PCDH15: variants seen among roughly 807,000 people sequenced by gnomAD.
PCDH15 encodes the protein protocadherin related 15.
A neutral mutation model predicts 178.5 loss-of-function variants in PCDH15; 129 were observed. That is an observed-to-expected ratio of 0.72 (90% confidence interval 0.63 to 0.84). PCDH15 has a LOEUF of 0.84. PCDH15 is among the 40% of genes least tolerant of loss of function. The pLI is 0.00. For synonymous variants in PCDH15, 800 were observed against 732.0 expected, an observed-to-expected ratio of 1.09 and a Z score of -1.50; for missense variants, 2,230 against 2,099.9, an observed-to-expected ratio of 1.06 and a Z score of -1.21.
chr10:54,561,822 C>T (rs1407356495), intron 2 of PCDH15, among the ~76,000 whole-genome samples: 2 of 151,366 alleles, frequency 1.3e-5, no homozygotes, highest in Non-Finnish European at 2.9e-5. Flanking sequence ...AAAATGAAAA[C>T]TATCAATGGT....
chr10:54,638,956 C>T (rs1018941393), intron 2 of PCDH15, among the ~76,000 whole-genome samples: 4 of 152,058 alleles, frequency 2.6e-5, no homozygotes, highest in Admixed American at 6.6e-5. Flanking sequence ...CTAAATACTT[C>T]AAGTTCTCAC....
At chr10:53,809,399 TA>T (rs1310461259) in intron 37 of PCDH15, 1 of 1,614,022 alleles carries the variant, frequency 6.2e-7, no homozygotes, top group Non-Finnish European at 8.5e-7. Context: ...CTAACTTTCT[TA>T]AAAATCATGG....
intron 17 of PCDH15, among the ~76,000 whole-genome samples, chr10:54,074,231 A>G (rs1323092554): frequency 6.6e-6 from 1 of 152,186 alleles, no homozygotes. Flanking sequence ...TAAATGTAAA[A>G]TGTTGTGGTA....
At chr10:55,569,578 A>T (rs989557662) in intron 2 of PCDH15, among the ~76,000 whole-genome samples, 35 of 129,436 alleles carry the variant, frequency 2.7e-4, no homozygotes, top group African/African-American at 1.0e-3. Flanking sequence ...AGAATTTTCT[A>T]AAAAAAAAAA....
chr10:55,379,611 A>G (rs1342306272), intron 2 of PCDH15, among the ~76,000 whole-genome samples: 1 of 152,012 alleles, frequency 6.6e-6, no homozygotes, highest in Non-Finnish European at 1.5e-5. Flanking sequence ...CTACAGCTAA[A>G]TACTTATTTA....
chr10:54,996,507 C>G (rs1025904869), intron 2 of PCDH15, among the ~76,000 whole-genome samples: 4 of 152,092 alleles, frequency 2.6e-5, no homozygotes, highest in African/African-American at 9.7e-5. Flanking sequence ...GATGTAGTCA[C>G]GGGAGGTCAG....
chr10:54,125,667 A>G (rs761093800), intron 15 of PCDH15, among the ~76,000 whole-genome samples: 1 of 152,116 alleles, frequency 6.6e-6, no homozygotes, highest in African/African-American at 2.4e-5. Context: ...CTGCAACAGG[A>G]TTCTCTTTGA....
intron 2 of PCDH15, among the ~76,000 whole-genome samples, chr10:54,549,934 T>C (rs1448082620): frequency 6.6e-6 from 1 of 152,104 alleles, no homozygotes; most frequent in East Asian, 1.9e-4. Context: ...GCCTTCTTTA[T>C]AGCTAGTGTA....
intron 2 of PCDH15, among the ~76,000 whole-genome samples, chr10:54,588,503 A>C (rs1438450734): frequency 1.3e-5 from 2 of 152,144 alleles, no homozygotes; most frequent in African/African-American, 4.8e-5. Flanking sequence ...AACAGGTTTA[A>C]AGCTGTGTGA....
intron 2 of PCDH15, among the ~76,000 whole-genome samples, chr10:54,659,772 A>G (rs2135368732): frequency 6.6e-6 from 1 of 150,382 alleles, no homozygotes; most frequent in East Asian, 1.9e-4. Flanking sequence ...AAAAAAATAC[A>G]TATCAGGAGA....
At chr10:54,624,264 G>A (rs551845285) in intron 2 of PCDH15, among the ~76,000 whole-genome samples, 1 of 152,200 alleles carries the variant, frequency 6.6e-6, no homozygotes, top group South Asian at 2.1e-4. Context: ...GCAGTTTATA[G>A]TGCAGGAACA....
intron 1 of PCDH15, among the ~76,000 whole-genome samples, chr10:54,788,213 A>G (rs1466546473): frequency 6.6e-6 from 1 of 151,942 alleles, no homozygotes. Context: ...GGGCTGATAT[A>G]TGGGTTTCAA....
intron 1 of PCDH15, among the ~76,000 whole-genome samples, chr10:54,667,917 A>G (rs2094597849): frequency 6.6e-6 from 1 of 152,084 alleles, no homozygotes; most frequent in Non-Finnish European, 1.5e-5. Flanking sequence ...ATACTGGGGA[A>G]AAGTGTTTTT....
intron 25 of PCDH15, among the ~76,000 whole-genome samples, chr10:53,931,346 T>C (rs1753806350): frequency 6.6e-6 from 1 of 152,204 alleles, no homozygotes; most frequent in South Asian, 2.1e-4. Context: ...GTGGTATGTA[T>C]GCTACAAATT....
chr10:54,697,549 T>C (rs1313469846), intron 1 of PCDH15, among the ~76,000 whole-genome samples: 1 of 146,486 alleles, frequency 6.8e-6, no homozygotes, highest in Non-Finnish European at 1.5e-5. Context: ...CTTTACATGC[T>C]TGCAATAGTT....
chr10:55,602,176 C>T (rs540673415), intron 2 of PCDH15, among the ~76,000 whole-genome samples: 1 of 152,258 alleles, frequency 6.6e-6, no homozygotes, highest in East Asian at 1.9e-4. Context: ...TGCGCTTTTC[C>T]AACCGGCGTA....
At chr10:55,047,826 C>T (rs1021777609) in intron 2 of PCDH15, among the ~76,000 whole-genome samples, 10 of 151,710 alleles carry the variant, frequency 6.6e-5, no homozygotes, top group Non-Finnish European at 1.5e-4. Context: ...GAGGCTTCAT[C>T]ATAATTTCAG....
chr10:54,192,153 A>AG (rs2049092893), intron 11 of PCDH15, among the ~76,000 whole-genome samples: 2 of 75,568 alleles, frequency 2.6e-5, no homozygotes, highest in African/African-American at 1.7e-4. Context: ...AGAAAGAAAG[A>AG]AAAAGAAAGA....
intron 15 of PCDH15, among the ~76,000 whole-genome samples, chr10:54,101,807 A>G (rs1258867588): frequency 6.6e-6 from 1 of 151,262 alleles, no homozygotes; most frequent in East Asian, 1.9e-4. Context: ...CTATACCAAG[A>G]AAAAAAAAGA....
Sources: allele counts gnomAD v4.1 joint callset (sites outside exome capture counted in the v4.1 genomes callset), GRCh38; gene constraint gnomAD v4.1.1; transcripts MANE v1.5; gene names NCBI Gene and HGNC (gene_info 2026-07-23, HGNC 2026-07-21).